Variants in ARHGAP15 observed in about 807,000 individuals in gnomAD.
ARHGAP15 encodes the protein rho GTPase-activating protein 15.
A neutral mutation model predicts 63.7 loss-of-function variants in ARHGAP15; 51 were observed. The ratio of observed to expected loss-of-function variants is 0.80; its 90% CI spans 0.64 to 1.01. The LOEUF is 1.01. Among genes scored for constraint, ARHGAP15 ranks in the 50% least tolerant of loss-of-function variants. The pLI, the probability that ARHGAP15 is intolerant of heterozygous loss-of-function variation, is 0.00. For synonymous variants in ARHGAP15, 191 were observed against 193.8 expected (o/e 0.99, Z 0.12); for missense variants, 560 against 564.6 (o/e 0.99, Z 0.08).
chr2:143,513,991 G>C (rs1197682383), intron 9 of ARHGAP15, among the ~76,000 whole-genome samples: 2 of 152,208 alleles, frequency 1.3e-5, no homozygotes, highest in Non-Finnish European at 2.9e-5. Flanking sequence ...TCAAAGGATT[G>C]CAGGTGCATG....
At chr2:143,303,431 T>C (rs1003591088) in intron 6 of ARHGAP15, among the ~76,000 whole-genome samples, 14 of 152,078 alleles carry the variant, frequency 9.2e-5, no homozygotes, top group South Asian at 4.1e-4. Context: ...AAGCTGAAAC[T>C]GGATCCCTTC....
At chr2:143,594,766 A>G (rs1331067657) in intron 11 of ARHGAP15, among the ~76,000 whole-genome samples, 1 of 152,172 alleles carries the variant, frequency 6.6e-6, no homozygotes, top group Non-Finnish European at 1.5e-5. Context: ...AGAAAATCTG[A>G]TATGTTGATT....
intron 9 of ARHGAP15, among the ~76,000 whole-genome samples, chr2:143,499,215 T>C (rs1692946234): frequency 6.6e-6 from 1 of 152,210 alleles, no homozygotes; most frequent in Non-Finnish European, 1.5e-5. Context: ...ATTGACTAAC[T>C]GTCTGTGTTT....
chr2:143,156,354 C>A (rs1690078386), intron 2 of ARHGAP15, among the ~76,000 whole-genome samples: 1 of 151,792 alleles, frequency 6.6e-6, no homozygotes, highest in African/African-American at 2.4e-5. Context: ...GCAGCTGAGG[C>A]CATAGGATGT....
intron 12 of ARHGAP15, among the ~76,000 whole-genome samples, chr2:143,661,538 G>GA (rs559718181): frequency 1.0e-3 from 158 of 152,256 alleles, no homozygotes; most frequent in African/African-American, 3.7e-3. Context: ...GATTTTAAAT[G>GA]ATGACTCCTT....
chr2:143,245,008 G>T (rs1318050198), intron 5 of ARHGAP15, among the ~76,000 whole-genome samples: 1 of 152,154 alleles, frequency 6.6e-6, no homozygotes, highest in South Asian at 2.1e-4. Flanking sequence ...AAAGGAGGCA[G>T]GTAGGAGAAG....
At chr2:143,564,060 A>G (rs1696130515) in intron 11 of ARHGAP15, 1 of 152,264 alleles carries the variant, frequency 6.6e-6, no homozygotes, top group African/African-American at 2.4e-5. Flanking sequence ...TTCCAGGTTC[A>G]CATAGTCATT....
intron 13 of ARHGAP15, among the ~76,000 whole-genome samples, chr2:143,725,221 T>C (rs1375442367): frequency 6.6e-6 from 1 of 152,248 alleles, no homozygotes; most frequent in Non-Finnish European, 1.5e-5. Context: ...TAAAACCTTT[T>C]TTCATAGCCT....
intron 6 of ARHGAP15, among the ~76,000 whole-genome samples, chr2:143,338,714 G>C (rs1202451303): frequency 6.6e-6 from 1 of 152,046 alleles, no homozygotes; most frequent in African/African-American, 2.4e-5. Context: ...TCACTGTAAG[G>C]CATGACTTTT....
At chr2:143,304,903 T>A (rs2105166481) in intron 6 of ARHGAP15, among the ~76,000 whole-genome samples, 1 of 152,174 alleles carries the variant, frequency 6.6e-6, no homozygotes, top group East Asian at 1.9e-4. Context: ...TCAACCATTG[T>A]GGGAGACAGT....
At chr2:143,207,641 A>C (rs1411991683) in intron 3 of ARHGAP15, among the ~76,000 whole-genome samples, 1 of 152,112 alleles carries the variant, frequency 6.6e-6, no homozygotes, top group Non-Finnish European at 1.5e-5. Context: ...GTGAACATGG[A>C]TAACATTCAA....
chr2:143,389,296 G>A (rs1170702616), intron 6 of ARHGAP15, among the ~76,000 whole-genome samples: 1 of 152,002 alleles, frequency 6.6e-6, no homozygotes, highest in African/African-American at 2.4e-5. Flanking sequence ...ATCCATCTCT[G>A]TAATACTTGA....
intron 8 of ARHGAP15, among the ~76,000 whole-genome samples, chr2:143,446,281 T>C (rs1240495494): frequency 2.6e-5 from 4 of 151,804 alleles, no homozygotes; most frequent in Non-Finnish European, 5.9e-5. Flanking sequence ...ATATATTATG[T>C]TATAAAATGA....
chr2:143,145,468 A>C (rs1325459475), intron 1 of ARHGAP15, among the ~76,000 whole-genome samples: 2 of 152,014 alleles, frequency 1.3e-5, no homozygotes, highest in Non-Finnish European at 2.9e-5. Context: ...TTTGTGGATA[A>C]TTGAGCTAGA....
At chr2:143,251,636 A>G (rs1381900101) in intron 6 of ARHGAP15, among the ~76,000 whole-genome samples, 2 of 152,006 alleles carry the variant, frequency 1.3e-5, no homozygotes, top group Non-Finnish European at 2.9e-5. Context: ...TTCTAGTTTT[A>G]TTTTGCTTAG....
chr2:143,236,591 TATG>T lies in ARHGAP15; in HGVS notation c.384+7926_384+7928del, dbSNP rs1255835380. Reference sequence around the variant, plus strand: ...CATGAACAGAGACATGGCGTCGTTTTATGATAACTCAAGAGAAGAGTGTGATTG... The same window carrying T: ...CATGAACAGAGACATGGCGTCGTTTTATAACTCAAGAGAAGAGTGTGATTG... On this transcript the variant is annotated intron_variant, in intron 5 of 13. Coordinates refer to ENST00000295095, the MANE Select transcript of ARHGAP15 (RefSeq NM_018460.4). The T allele has an allele frequency of 2.0e-5, 3 of 152,288 alleles. No homozygotes were observed. The East Asian group carries it at 5.8e-4, about 29-fold the overall frequency. The allele number at this position is 152,288 out of a possible 1,614,324, so 9.4% of individuals were successfully genotyped here.
At chr2:143,548,665 T>A (rs1251955010) in intron 10 of ARHGAP15, among the ~76,000 whole-genome samples, 1 of 151,970 alleles carries the variant, frequency 6.6e-6, no homozygotes, top group Non-Finnish European at 1.5e-5. Context: ...ATTAAATACA[T>A]TTTTTTCAGA....
At chr2:143,207,197 T>C (rs1243160784) in intron 3 of ARHGAP15, among the ~76,000 whole-genome samples, 1 of 151,968 alleles carries the variant, frequency 6.6e-6, no homozygotes, top group Non-Finnish European at 1.5e-5. Context: ...TTGATTTACT[T>C]GCATATAGTA....
chr2:143,169,339 G>C (rs1167249813), intron 2 of ARHGAP15, among the ~76,000 whole-genome samples: 2 of 151,882 alleles, frequency 1.3e-5, no homozygotes, highest in Non-Finnish European at 2.9e-5. Flanking sequence ...CCCCTTCATG[G>C]GGTGTTTTTA....
Sources: allele counts gnomAD v4.1 joint callset (sites outside exome capture counted in the v4.1 genomes callset), GRCh38; gene constraint gnomAD v4.1.1; transcripts MANE v1.5; gene names NCBI Gene and HGNC (gene_info 2026-07-23, HGNC 2026-07-21).